Variants in SERGEF observed in about 807,000 individuals in gnomAD.
SERGEF encodes the protein secretion-regulating guanine nucleotide exchange factor.
A neutral mutation model predicts 50.0 loss-of-function variants in SERGEF; 51 were observed. The observed-to-expected ratio is 1.02, with a 90% CI of 0.81 to 1.29. The LOEUF (loss-of-function observed/expected upper bound fraction) is 1.29, where lower values mean the gene tolerates loss of function less well. Among genes scored for constraint, SERGEF ranks in the 50% most tolerant of loss-of-function variants. The probability of loss-of-function intolerance (pLI) is 0.00; values close to 1 mark genes in which losing one functional copy is unlikely to be tolerated. For missense variants in SERGEF, 521 were observed against 557.0 expected, an observed-to-expected ratio of 0.94 and a Z score of 0.65; for synonymous variants, 205 against 212.4, an observed-to-expected ratio of 0.97 and a Z score of 0.30.
chr11:17,912,162 GAGA>G (rs1230284899), intron 9 of SERGEF, among the ~76,000 whole-genome samples: 1 of 152,196 alleles, frequency 6.6e-6, no homozygotes, highest in African/African-American at 2.4e-5. Context: ...CAGTATAGAA[GAGA>G]AGAAGAGAAG....
Position 17,827,384 on chromosome 11 carries a change from A to C in SERGEF, c.1049-38971T>G, listed in dbSNP as rs75262308. Among the ~76,000 whole-genome samples the C allele has an allele frequency of 6.7e-3, 1,018 of 152,352 alleles. 10 individuals carry two copies. Among genetic ancestry groups the C allele is most frequent in the Non-Finnish European group, 0.011 (728 of 68,026 alleles). ...GTAAGCTCCAAATACAGAAAGAGCT[A>C]CTAAAAGCATTTCTCCCCACAGTGT... On this transcript the variant is annotated intron_variant, in intron 10 of 10. Coordinates refer to ENST00000265965, the MANE Select transcript of SERGEF (RefSeq NM_012139.4).
chr11:17,988,703 A>G lies in SERGEF; in HGVS notation c.738T>C (p.Asn246=). Residue 246 remains asparagine (N), a synonymous_variant, in exon 8 of 11, where the codon AAT becomes AAC. Coordinates refer to ENST00000265965, the MANE Select transcript of SERGEF (RefSeq NM_012139.4). ...GGGGCACAGGAAGGAAAGCAGCCTC[A>G]TTAGCCAGTTGCCCATGCTTGTTGC... ...WGSNKHGQLA[N]EAAFLPVPQK... The G allele has an allele frequency of 6.2e-7, 1 of 1,614,156 alleles. No homozygotes were observed. Among genetic ancestry groups the G allele is most frequent in the South Asian group, 1.1e-5 (1 of 91,076 alleles).
At chr11:17,988,460 A>G in intron 8 of SERGEF, 137 bp downstream of exon 8, 1 of 785,246 alleles carries the variant, frequency 1.3e-6, no homozygotes, top group Non-Finnish European at 1.9e-6. Context: ...CTGGTGGCAG[A>G]ACTAGATCCC....
intron 10 of SERGEF, chr11:17,855,399 A>T (rs1173896897): frequency 6.6e-6 from 1 of 152,226 alleles, no homozygotes; most frequent in African/African-American, 2.4e-5. Flanking sequence ...CTGGATTTGG[A>T]AACTGTCACA....
At chr11:17,988,372 C>T (rs1037884656) in intron 8 of SERGEF, among the ~76,000 whole-genome samples, 5 of 152,152 alleles carry the variant, frequency 3.3e-5, no homozygotes. Context: ...CTCTTAGGAC[C>T]GGAAGGAGTT....
At chr11:18,006,146 T>C (rs765409573) in intron 3 of SERGEF, among the ~76,000 whole-genome samples, 2 of 152,228 alleles carry the variant, frequency 1.3e-5, no homozygotes, top group Non-Finnish European at 2.9e-5. Context: ...GGAAAATTTG[T>C]GTGTGCTTTT....
At chr11:17,824,230 G>A (rs1850141676) in intron 10 of SERGEF, among the ~76,000 whole-genome samples, 1 of 151,744 alleles carries the variant, frequency 6.6e-6, no homozygotes, top group East Asian at 1.9e-4. Context: ...GAACCCAGGA[G>A]GCGGAGCTTG....
At chr11:18,004,664 CCTG>C (rs1358976917) in intron 3 of SERGEF, 129 bp from the exon 4 acceptor site, 1 of 657,856 alleles carries the variant, frequency 1.5e-6, no homozygotes. Context: ...GACCATATTC[CCTG>C]CTTTTATTCC....
intron 1 of SERGEF, among the ~76,000 whole-genome samples, chr11:18,011,495 G>A (rs983425228): frequency 1.3e-5 from 2 of 152,112 alleles, no homozygotes; most frequent in Non-Finnish European, 2.9e-5. Context: ...CCTTGATCTT[G>A]GCCTTCTAGC....
intron 8 of SERGEF, among the ~76,000 whole-genome samples, chr11:17,980,185 A>T (rs1853467029): frequency 6.6e-6 from 1 of 152,196 alleles, no homozygotes; most frequent in East Asian, 1.9e-4. Context: ...ATATTTTGCA[A>T]CTTAAAGGAC....
chr11:17,890,502 CAT>C (rs781558915), intron 9 of SERGEF, among the ~76,000 whole-genome samples: 20 of 152,252 alleles, frequency 1.3e-4, no homozygotes, highest in African/African-American at 4.3e-4. Flanking sequence ...TTTTCTCTCA[CAT>C]GTTTTCTCAG....
chr11:17,827,204 G>T (rs1379757736), intron 10 of SERGEF, among the ~76,000 whole-genome samples: 1 of 152,104 alleles, frequency 6.6e-6, no homozygotes, highest in Admixed American at 6.5e-5. Flanking sequence ...GCCCTCTAGG[G>T]GCAACCATTA....
At chr11:17,873,427 G>A (rs1463546503) in intron 10 of SERGEF, among the ~76,000 whole-genome samples, 2 of 152,062 alleles carry the variant, frequency 1.3e-5, no homozygotes, top group Non-Finnish European at 2.9e-5. Context: ...AAGGCCCTAG[G>A]GTTTGGAGAT....
chr11:17,986,156 C>A (rs111653225), intron 8 of SERGEF, among the ~76,000 whole-genome samples: 1 of 152,120 alleles, frequency 6.6e-6, no homozygotes, highest in Non-Finnish European at 1.5e-5. Flanking sequence ...CTGCTCCTGA[C>A]CCTGTGAGGA....
Position 17,788,243 on chromosome 11 carries a change from C to G in SERGEF, c.1219G>C (p.Ala407Pro), listed in dbSNP as rs1365697475. ...GTGACCTTGGGGTCCTGGACCAATGCAGGGTGAGCTGGCAGCTGGCAGAGG... is the reference window on the plus strand; with the variant it reads ...GTGACCTTGGGGTCCTGGACCAATGGAGGGTGAGCTGGCAGCTGGCAGAGG... ...LALCQLPAHP[A>P]LVQDPKVTYL... The change falls in exon 11 of 11, where the codon GCA becomes CCA. Residue 407 changes from alanine (A) to proline (P), a missense_variant. Physicochemically the swap from Ala to Pro is conservative, Grantham distance 27. Transcript: ENST00000265965. 5.0e-6 allele frequency: 8 copies of G among 1,613,988 alleles called. No individual in the cohort carries two copies. The highest frequency in any genetic ancestry group is 5.9e-6 in the Non-Finnish European group (7 of 1,179,924).
At chr11:17,927,036 G>T (rs1010430034) in intron 9 of SERGEF, among the ~76,000 whole-genome samples, 1 of 152,176 alleles carries the variant, frequency 6.6e-6, no homozygotes, top group African/African-American at 2.4e-5. Flanking sequence ...CCCTGACAGG[G>T]TCTCTGGGTC....
At chr11:17,825,383 T>G (rs150866156) in intron 10 of SERGEF, among the ~76,000 whole-genome samples, 63 of 152,270 alleles carry the variant, frequency 4.1e-4, no homozygotes, top group African/African-American at 1.5e-3. Flanking sequence ...AGCATCCAGG[T>G]TGGCTTTAGC....
Position 17,898,403 on chromosome 11 carries a change from T to C in SERGEF, c.1012-20159A>G, listed in dbSNP as rs972882760. Among the ~76,000 whole-genome samples, 9 of 152,338 alleles carry C rather than the reference T, an allele frequency of 5.9e-5. No homozygotes were observed. The South Asian group carries it at 1.2e-3, about 21-fold the overall frequency. On this transcript the variant is annotated intron_variant, in intron 9 of 10. Transcript: ENST00000265965. The stretch of plus-strand genomic sequence containing the variant: ...GGTTCTATCACAATCTTCTGTGAAC[T>C]TGGCCAAGTTACTAAGACTTTCTGG...
intron 10 of SERGEF, among the ~76,000 whole-genome samples, chr11:17,813,031 C>T (rs529208481): frequency 9.2e-5 from 14 of 152,236 alleles, no homozygotes; most frequent in African/African-American, 3.1e-4. Context: ...TGGACATCAC[C>T]GTATTCAGAA....
Sources: gnomAD v4.1 joint callset for allele counts (sites outside exome capture counted in the v4.1 genomes callset) on GRCh38, gnomAD v4.1.1 for gene constraint, MANE v1.5 for transcripts, NCBI Gene and HGNC (gene_info 2026-07-23, HGNC 2026-07-21) for gene names.